ILRUN: variants seen among roughly 807,000 people sequenced by gnomAD.
ILRUN encodes the protein protein ILRUN.
Under a neutral mutation model 33.8 loss-of-function variants are expected in ILRUN, and 3 were observed. That is an observed-to-expected ratio of 0.09 (90% confidence interval 0.04 to 0.23). The LOEUF (loss-of-function observed/expected upper bound fraction) is 0.23. ILRUN is among the 10% of genes least tolerant of loss of function. ILRUN has a pLI of 1.00. For missense variants in ILRUN, 210 were observed against 375.1 expected, an observed-to-expected ratio of 0.56 and a Z score of 3.64; for synonymous variants, 124 against 138.9, an observed-to-expected ratio of 0.89 and a Z score of 0.75.
intron 1 of ILRUN, among the ~76,000 whole-genome samples, chr6:34,657,361 T>C (rs1003344527): frequency 6.6e-6 from 1 of 152,202 alleles, no homozygotes; most frequent in Non-Finnish European, 1.5e-5. Context: ...GATAGGACTT[T>C]AAGACCACTG....
Position 34,616,534 on chromosome 6 carries a change from A to T in ILRUN, c.512-9630T>A, listed in dbSNP as rs867693579. 7.0e-6 allele frequency: 8 copies of T among 1,146,826 alleles called. No individual in the cohort carries two copies. The African/African-American group carries it at 1.2e-4, about 17-fold the overall frequency. The allele number at this position is 1,146,826 out of a possible 1,614,324, so 71.0% of individuals were successfully genotyped here. Reference sequence around the variant, plus strand: ...CAGTATTATGCTCTTTTCAGGCTGGAACCATGGAGGGTGTCGAAGAGAAGA... The same window carrying T: ...CAGTATTATGCTCTTTTCAGGCTGGTACCATGGAGGGTGTCGAAGAGAAGA... On this transcript the variant is annotated intron_variant, in intron 3 of 4. Coordinates refer to ENST00000374023, the MANE Select transcript of ILRUN (RefSeq NM_024294.4).
intron 1 of ILRUN, among the ~76,000 whole-genome samples, chr6:34,695,821 C>T (rs3800457): frequency 0.83 from 126,270 of 151,548 alleles, 52,814 homozygotes; most frequent in East Asian, 0.99. Context: ...GCATAACTCT[C>T]AAGAAAGTCA....
At chr6:34,687,171 G>T (rs2096667370) in intron 1 of ILRUN, 1 of 152,016 alleles carries the variant, frequency 6.6e-6, no homozygotes, top group African/African-American at 2.4e-5. Context: ...ACTCCATCTG[G>T]TTGCTCTTGG....
At chr6:34,631,946 T>C (rs181218204) in intron 3 of ILRUN, among the ~76,000 whole-genome samples, 1 of 128,486 alleles carries the variant, frequency 7.8e-6, no homozygotes, top group African/African-American at 3.7e-5. Flanking sequence ...TTAATACTAA[T>C]CTAGTGGAAT....
intron 1 of ILRUN, among the ~76,000 whole-genome samples, chr6:34,664,527 G>T (rs1261994759): frequency 6.6e-6 from 1 of 152,146 alleles, no homozygotes; most frequent in Non-Finnish European, 1.5e-5. Context: ...CTGCTTCCAA[G>T]AACTCAATTT....
At chr6:34,593,720 A>G (rs1761340639) in intron 4 of ILRUN, among the ~76,000 whole-genome samples, 2 of 152,048 alleles carry the variant, frequency 1.3e-5, no homozygotes, top group Non-Finnish European at 2.9e-5. Context: ...TATTTTTCTT[A>G]CCCCCAAATT....
intron 1 of ILRUN, among the ~76,000 whole-genome samples, chr6:34,687,705 A>AAAAAAAAATATATATATATATATTTAT (rs1763551482): frequency 1.4e-5 from 2 of 141,490 alleles, no homozygotes; most frequent in African/African-American, 5.6e-5. Context: ...CTCCAAAAAA[A>AAAAAAAAATATATATATATATATTTAT]AAAATATATA....
chr6:34,641,078 CAA>C (rs752197549), intron 3 of ILRUN, among the ~76,000 whole-genome samples: 4 of 77,118 alleles, frequency 5.2e-5, no homozygotes, highest in Admixed American at 1.5e-4. Context: ...GACTCCATCT[CAA>C]AAAAAAAAAA....
At chr6:34,673,868 CAGAG>C (rs748211944) in intron 1 of ILRUN, among the ~76,000 whole-genome samples, 194 of 147,192 alleles carry the variant, frequency 1.3e-3, no homozygotes, top group Non-Finnish European at 1.3e-3. Context: ...CGCTGGGTGA[CAGAG>C]AGATCCTGTC....
Position 34,617,280 on chromosome 6 carries a change from T to C in ILRUN, c.512-10376A>G, listed in dbSNP as rs77711629. The C allele has an allele frequency of 2.1e-3, 739 of 353,548 alleles. 7 individuals carry two copies. Among genetic ancestry groups the C allele is most frequent in the African/African-American group, 0.014 (676 of 46,692 alleles). 21.9% of individuals were successfully genotyped at this position (353,548 alleles called of 1,614,324 possible). On this transcript the variant is annotated intron_variant, in intron 3 of 4. Coordinates refer to ENST00000374023, the MANE Select transcript of ILRUN (RefSeq NM_024294.4). ...CTAAGGCGTCTATCATGATTATTTT[T>C]CTAATCTAGTCAGTTAATAAACAGT...
intron 1 of ILRUN, among the ~76,000 whole-genome samples, chr6:34,666,471 G>A (rs376603693): frequency 6.6e-6 from 1 of 152,114 alleles, no homozygotes; most frequent in Non-Finnish European, 1.5e-5. Flanking sequence ...TGCGGCAGGA[G>A]AATCGCTTGA....
intron 3 of ILRUN, among the ~76,000 whole-genome samples, chr6:34,645,658 C>G (rs1762551177): frequency 6.6e-6 from 1 of 152,192 alleles, no homozygotes; most frequent in Non-Finnish European, 1.5e-5. Context: ...AGGCGTGTGC[C>G]ACCATGCCCA....
intron 4 of ILRUN, among the ~76,000 whole-genome samples, chr6:34,601,304 G>A (rs1761502516): frequency 6.6e-6 from 1 of 152,236 alleles, no homozygotes. Context: ...TCATTGGCAT[G>A]AGAATAGTGT....
At chr6:34,680,928 T>TA (rs1763346366) in intron 1 of ILRUN, among the ~76,000 whole-genome samples, 2 of 151,788 alleles carry the variant, frequency 1.3e-5, no homozygotes, top group Non-Finnish European at 2.9e-5. Flanking sequence ...GTTTATGTCA[T>TA]AAAAAAATAC....
intron 3 of ILRUN, among the ~76,000 whole-genome samples, chr6:34,610,553 CAAAAG>C (rs1201738551): frequency 6.6e-6 from 1 of 152,122 alleles, no homozygotes; most frequent in African/African-American, 2.4e-5. Flanking sequence ...ATCTGACACT[CAAAAG>C]AAAATCTCAT....
At chr6:34,643,068 G>A (rs963653880) in intron 3 of ILRUN, among the ~76,000 whole-genome samples, 7 of 151,900 alleles carry the variant, frequency 4.6e-5, no homozygotes, top group East Asian at 3.9e-4. Flanking sequence ...GGCCAAGGTG[G>A]GCAGATCACC....
chr6:34,628,435 T>G (rs1263510172), intron 3 of ILRUN, among the ~76,000 whole-genome samples: 2 of 152,128 alleles, frequency 1.3e-5, no homozygotes, highest in Non-Finnish European at 2.9e-5. Context: ...GCCATTCTCC[T>G]GCCTCAGCCT....
chr6:34,682,912 AT>A (rs1003711445), intron 1 of ILRUN, among the ~76,000 whole-genome samples: 2 of 151,764 alleles, frequency 1.3e-5, no homozygotes, highest in African/African-American at 2.4e-5. Context: ...GTGAAAAAAA[AT>A]AAAGTTAAAA....
chr6:34,617,464 T>A (rs1424759827), intron 3 of ILRUN, among the ~76,000 whole-genome samples: 1 of 152,178 alleles, frequency 6.6e-6, no homozygotes, highest in Non-Finnish European at 1.5e-5. Flanking sequence ...TCTCAACTTC[T>A]AGTCTGCACT....
Sources: gnomAD v4.1 joint callset for allele counts (sites outside exome capture counted in the v4.1 genomes callset) on GRCh38, gnomAD v4.1.1 for gene constraint, MANE v1.5 for transcripts, NCBI Gene and HGNC (gene_info 2026-07-23, HGNC 2026-07-21) for gene names.